The following KCNN3 variants were observed in gnomAD, a reference collection of about 807,000 sequenced individuals.
KCNN3 encodes potassium calcium-activated channel subfamily N member 3.
Under a neutral mutation model 62.9 loss-of-function variants are expected in KCNN3, and 16 were observed. That is an observed-to-expected ratio of 0.25 (90% confidence interval 0.17 to 0.39). The LOEUF is 0.39. KCNN3 is among the 10% of genes least tolerant of loss of function. KCNN3 has a pLI of 1.00. For missense variants in KCNN3, 599 were observed against 949.4 expected, an observed-to-expected ratio of 0.63 and a Z score of 4.85; for synonymous variants, 370 against 389.2, an observed-to-expected ratio of 0.95 and a Z score of 0.58.
chr1:154,864,231 C>T (rs2101937404), intron 1 of KCNN3, among the ~76,000 whole-genome samples: 1 of 152,348 alleles, frequency 6.6e-6, no homozygotes, highest in Non-Finnish European at 1.5e-5. Context: ...CTATCCTACT[C>T]CTACTTTTCC....
intron 3 of KCNN3, among the ~76,000 whole-genome samples, chr1:154,766,416 T>TTATATATACA (rs1553231999): frequency 2.8e-5 from 2 of 71,812 alleles, no homozygotes; most frequent in Non-Finnish European, 5.6e-5. Flanking sequence ...TAGCCAGGCT[T>TTATATATACA]TATATATATA....
At chr1:154,768,802 C>T (rs1648412920) in intron 3 of KCNN3, among the ~76,000 whole-genome samples, 1 of 152,042 alleles carries the variant, frequency 6.6e-6, no homozygotes, top group African/African-American at 2.4e-5. Flanking sequence ...TGAAGGCAGC[C>T]CAGGAGGCTA....
At chr1:154,841,319 C>T (rs886910176) in intron 1 of KCNN3, among the ~76,000 whole-genome samples, 2 of 152,242 alleles carry the variant, frequency 1.3e-5, no homozygotes, top group Non-Finnish European at 2.9e-5. Flanking sequence ...TAATCCCCAA[C>T]AAACCCTGGG....
At chr1:154,786,772 G>A (rs1462603489) in intron 2 of KCNN3, among the ~76,000 whole-genome samples, 3 of 152,186 alleles carry the variant, frequency 2.0e-5, no homozygotes, top group South Asian at 2.1e-4. Context: ...TTTTGATAAT[G>A]AGAACACACC....
chr1:154,808,023 C>A (rs369808858), intron 2 of KCNN3, among the ~76,000 whole-genome samples: 1 of 152,140 alleles, frequency 6.6e-6, no homozygotes, highest in Non-Finnish European at 1.5e-5. Context: ...AATCTACACC[C>A]GTCTCCCATC....
intron 2 of KCNN3, among the ~76,000 whole-genome samples, chr1:154,788,249 C>G (rs1361980754): frequency 6.6e-6 from 1 of 152,228 alleles, no homozygotes. Flanking sequence ...TCACACACCT[C>G]TGTAGCAGGC....
chr1:154,748,798 A>T (rs1384673411), intron 3 of KCNN3, among the ~76,000 whole-genome samples: 1 of 152,234 alleles, frequency 6.6e-6, no homozygotes, highest in Non-Finnish European at 1.5e-5. Flanking sequence ...CTGTCTCTAC[A>T]AAAAATGAAT....
At chr1:154,726,341 C>A (rs3738028) in intron 4 of KCNN3, among the ~76,000 whole-genome samples, 85,531 of 151,958 alleles carry the variant, frequency 0.56, 24,415 homozygotes, top group African/African-American at 0.6. Context: ...TAACCAACAA[C>A]TAAGCACCTG....
chr1:154,738,849 A>G (rs1700768873), intron 3 of KCNN3, among the ~76,000 whole-genome samples: 1 of 152,250 alleles, frequency 6.6e-6, no homozygotes, highest in Admixed American at 6.5e-5. Context: ...AAAAGTTATC[A>G]TATTTTTTAC....
intron 2 of KCNN3, among the ~76,000 whole-genome samples, chr1:154,788,672 G>A (rs745673446): frequency 6.6e-6 from 1 of 152,086 alleles, no homozygotes; most frequent in Non-Finnish European, 1.5e-5. Context: ...AGCCCACGCC[G>A]CCAAACCCGT....
chr1:154,721,832 C>T (rs1700356956), intron 5 of KCNN3, among the ~76,000 whole-genome samples: 1 of 151,238 alleles, frequency 6.6e-6, no homozygotes, highest in African/African-American at 2.4e-5. Flanking sequence ...CTTCCAGTCC[C>T]TCTGTGAATC....
At chr1:154,760,952 T>G (rs1389600264) in intron 3 of KCNN3, among the ~76,000 whole-genome samples, 1 of 152,238 alleles carries the variant, frequency 6.6e-6, no homozygotes, top group African/African-American at 2.4e-5. Flanking sequence ...AGACGGAACT[T>G]GCATTGCGCT....
chr1:154,819,649 C>G (rs922986841), intron 2 of KCNN3, among the ~76,000 whole-genome samples: 2 of 152,194 alleles, frequency 1.3e-5, no homozygotes, highest in African/African-American at 4.8e-5. Context: ...AGGTAAGAGG[C>G]ACAGAGGAAG....
chr1:154,749,109 A>C (rs1337887700), intron 3 of KCNN3, among the ~76,000 whole-genome samples: 1 of 152,192 alleles, frequency 6.6e-6, no homozygotes, highest in African/African-American at 2.4e-5. Context: ...CAGGTATCTC[A>C]TCCTGGATCT....
At position 154,772,125 on chromosome 1, in the gene KCNN3, G is replaced by A; in HGVS notation, c.1298C>T (p.Ser433Leu). ...LLHSKLFTDASSRSIGALNKI... is the reference protein window; with the variant it reads ...LLHSKLFTDALSRSIGALNKI... ...GTTGAGGGCCCCGATGCTGCGGGAC[G>A]AGGCATCGGTGAAGAGCTTGCTGTG... The change falls in exon 3 of 8, where the codon TCG (serine) becomes TTG (leucine). Residue 433 changes from serine to leucine, a missense_variant. By Grantham distance (145) the Ser-to-Leu change is moderately radical (BLOSUM62 -2). Coordinates refer to ENST00000271915, the MANE Select transcript of KCNN3 (RefSeq NM_002249.6). This position sits in a 1 kb window ranked among gnomAD's most constrained non-coding sequence, Gnocchi z 5.6. 2 of 1,614,222 alleles carry A rather than the reference G, an allele frequency of 1.2e-6. No homozygotes were observed. Among genetic ancestry groups the A allele is most frequent in the Non-Finnish European group, 1.7e-6 (2 of 1,180,040 alleles).
At chr1:154,833,509 G>A (rs1255789035) in intron 1 of KCNN3, among the ~76,000 whole-genome samples, 1 of 152,140 alleles carries the variant, frequency 6.6e-6, no homozygotes, top group Non-Finnish European at 1.5e-5. Flanking sequence ...GAGACAGTGA[G>A]TCCTCCACCC....
intron 1 of KCNN3, among the ~76,000 whole-genome samples, chr1:154,837,425 G>A (rs1448415558): frequency 2.6e-5 from 4 of 152,142 alleles, no homozygotes; most frequent in African/African-American, 7.2e-5. Flanking sequence ...TTACAGGCAT[G>A]AGCCACCGCG....
chr1:154,869,668 G>C lies in KCNN3; in HGVS notation c.297C>G (p.Gly99=). Residue 99 remains glycine, a synonymous_variant, in exon 1 of 8, where the codon GGC becomes GGG. Transcript: ENST00000271915. The surrounding 1 kb of genome is among the most constrained non-coding windows in gnomAD (Gnocchi z 6.1). ...AQLQSQPVHP[G]LLHSSPTAFR... is the part of the protein sequence containing the mutation. ...AAGCGGTGGGAGAGGAGTGCAGCAGGCCAGGGTGGACGGGCTGGCTCTGGA... is the reference window on the plus strand; with the variant it reads ...AAGCGGTGGGAGAGGAGTGCAGCAGCCCAGGGTGGACGGGCTGGCTCTGGA... The C allele has an allele frequency of 6.2e-7, 1 of 1,606,296 alleles. No homozygotes were observed. The highest frequency in any genetic ancestry group is 8.5e-7 in the Non-Finnish European group (1 of 1,176,174).
At chr1:154,795,357 C>T (rs1777931) in intron 2 of KCNN3, among the ~76,000 whole-genome samples, 5 of 152,176 alleles carry the variant, frequency 3.3e-5, no homozygotes, top group Admixed American at 6.5e-5. Context: ...AACATAAGAG[C>T]ACACACAGGG....
Sources: gnomAD v4.1 joint callset for allele counts (sites outside exome capture counted in the v4.1 genomes callset) on GRCh38, gnomAD v4.1.1 for gene constraint, Gnocchi (gnomAD v3.1) non-coding constraint, MANE v1.5 for transcripts, NCBI Gene and HGNC (gene_info 2026-07-23, HGNC 2026-07-21) for gene names.